Variants in FHIP2A observed in about 807,000 individuals in gnomAD.
FHIP2A encodes the protein family with sequence similarity 160 member B1.
Under a neutral mutation model 93.5 loss-of-function variants are expected in FHIP2A, and 46 were observed. That is an observed-to-expected ratio of 0.49 (90% CI 0.39 to 0.63). The LOEUF is 0.63. FHIP2A is among the 20% of genes least tolerant of loss of function. FHIP2A has a pLI of 0.00. For missense variants in FHIP2A, 769 were observed against 909.7 expected, an observed-to-expected ratio of 0.85 and a Z score of 1.99; for synonymous variants, 332 against 326.5, an observed-to-expected ratio of 1.02 and a Z score of -0.18.
intron 16 of FHIP2A, among the ~76,000 whole-genome samples, chr10:114,891,570 TGTGC>T (rs2083974734): frequency 6.8e-6 from 1 of 147,416 alleles, no homozygotes; most frequent in Non-Finnish European, 1.5e-5. Context: ...TGTGTGTGTG[TGTGC>T]ACGCGTATGT....
chr10:114,854,043 G>A (rs2083751883), intron 13 of FHIP2A, among the ~76,000 whole-genome samples: 6 of 151,812 alleles, frequency 4.0e-5, no homozygotes, highest in Admixed American at 3.9e-4. Context: ...TATTGGGGGA[G>A]ACTTTTAAAA....
rs1454992007 is a variant in FHIP2A, at chr10:114,843,160, C to T, written c.750C>T (p.Ala250=). The change falls in exon 6 of 17, where the codon GCC becomes GCT. Residue 250 remains alanine (A), a synonymous_variant. Transcript: ENST00000369248. The part of the protein sequence containing the change: ...DNLSVTSLPE[A]SVVCPNQDYN... ...TCAGTGTCACCTCACTGCCAGAGGCCTCGGTTGTTTGTCCAAATCAGGATT... is the reference window on the plus strand; with the variant it reads ...TCAGTGTCACCTCACTGCCAGAGGCTTCGGTTGTTTGTCCAAATCAGGATT... 3 of 1,613,916 alleles carry T rather than the reference C, an allele frequency of 1.9e-6. No individual in the cohort carries two copies. Among genetic ancestry groups the T allele is most frequent in the African/African-American group, 1.3e-5 (1 of 74,898 alleles).
At chr10:114,851,139 C>CCTGGCCTCAAGTGAT (rs1243617764) in intron 13 of FHIP2A, among the ~76,000 whole-genome samples, 3 of 152,130 alleles carry the variant, frequency 2.0e-5, no homozygotes, top group Non-Finnish European at 4.4e-5. Context: ...ATCTTGAACT[C>CCTGGCCTCAAGTGAT]CTGGCCTCAA....
chr10:114,848,419 C>T (rs548511980), intron 12 of FHIP2A, among the ~76,000 whole-genome samples: 70 of 152,140 alleles, frequency 4.6e-4, no homozygotes, highest in African/African-American at 1.6e-3. Context: ...AATATTTAAT[C>T]AATGAATTGT....
chr10:114,827,751 C>A lies in FHIP2A; in HGVS notation c.46-3101C>A, dbSNP rs575341130. 7.7e-5 allele frequency among the ~76,000 whole-genome samples: 11 copies of A among 142,172 alleles called. No individual in the cohort carries two copies. In the South Asian group the frequency reaches 2.0e-3, roughly 26 times the overall value. The allele number at this position is 142,172 out of a possible 152,430, so 93.3% of individuals were successfully genotyped here. ...GGCGGAGCTTGCAGTGAGCCGAGAT[C>A]ACGCCACTGCACTCCAGCCTGGGTG... On this transcript the variant is annotated intron_variant, in intron 1 of 16. Transcript: ENST00000369248.
rs1460407223 is a variant in FHIP2A, at chr10:114,821,829, C to T, written c.-250C>T. ...ACCGGTGCCGCCGCCGGAGCTTCTC[C>T]GGGCCCCGAGTCCTCGCCGAACGCC... is the stretch of plus-strand genomic sequence containing the variant. On this transcript the variant is annotated 5_prime_UTR_variant, in exon 1 of 17. Coordinates refer to ENST00000369248, the MANE Select transcript of FHIP2A (RefSeq NM_020940.4). The T allele has an allele frequency of 3.6e-5, 8 of 224,972 alleles. No homozygotes were observed. Among genetic ancestry groups the T allele is most frequent in the African/African-American group, 1.6e-4 (7 of 43,380 alleles). 13.9% of individuals were successfully genotyped at this position (224,972 alleles called of 1,614,324 possible).
At chr10:114,875,902 T>C (rs201981563) in intron 16 of FHIP2A, among the ~76,000 whole-genome samples, 1 of 34,472 alleles carries the variant, frequency 2.9e-5, no homozygotes, top group Non-Finnish European at 6.5e-5. Flanking sequence ...GAGAAAGAAA[T>C]AAAGAAAGAG....
intron 16 of FHIP2A, among the ~76,000 whole-genome samples, chr10:114,891,623 A>AT (rs1192883038): frequency 5.6e-4 from 40 of 72,066 alleles, no homozygotes; most frequent in Middle Eastern, 0.01. Flanking sequence ...GTATATACAT[A>AT]TTTTTTTTTT....
intron 15 of FHIP2A, 137 bp from the exon 16 acceptor site, chr10:114,861,094 G>T (rs1200695423): frequency 4.2e-6 from 5 of 1,192,312 alleles, no homozygotes; most frequent in South Asian, 1.6e-5. Flanking sequence ...TGAGTCCTTG[G>T]TTAAAGATGA....
In FHIP2A at chr10:114,864,695, T is replaced by C; in HGVS notation, c.*3155T>C. 1.0e-6 allele frequency: 1 copy of C among 984,572 alleles called. No individual in the cohort carries two copies. The highest frequency in any genetic ancestry group is 1.2e-6 in the Non-Finnish European group (1 of 829,086). 61.0% of individuals were successfully genotyped at this position (984,572 alleles called of 1,614,324 possible). A position where few individuals can be genotyped will look rare whatever the true frequency, so the allele number is the denominator to read the frequency against. On this transcript the variant is annotated 3_prime_UTR_variant, in exon 17 of 17. Transcript: ENST00000369248. ...GGACTAAGAGGGATGATCTAAAAAA[T>C]AAATAATGTAATTTAAACAAAACGT...
intron 5 of FHIP2A, among the ~76,000 whole-genome samples, chr10:114,841,292 G>GT (rs397845509): frequency 0.23 from 28,345 of 124,942 alleles, 4,191 homozygotes; most frequent in African/African-American, 0.34. Context: ...TATGCCATTG[G>GT]TTTTTTTTTT....
chr10:114,869,753 T>C (rs925320792), intron 16 of FHIP2A, among the ~76,000 whole-genome samples: 29 of 152,152 alleles, frequency 1.9e-4, no homozygotes, highest in Non-Finnish European at 3.7e-4. Context: ...ATCCTAAAAA[T>C]AATAAAAGCT....
At chr10:114,891,572 T>TGC (rs1555248172) in intron 16 of FHIP2A, among the ~76,000 whole-genome samples, 27 of 143,896 alleles carry the variant, frequency 1.9e-4, no homozygotes, top group Admixed American at 9.2e-4. Context: ...TGTGTGTGTG[T>TGC]GCACGCGTAT....
At chr10:114,850,384 G>T (rs1361884720) in intron 13 of FHIP2A, among the ~76,000 whole-genome samples, 2 of 152,114 alleles carry the variant, frequency 1.3e-5, no homozygotes, top group African/African-American at 4.8e-5. Flanking sequence ...CATATGCTTA[G>T]CAGATACTTG....
Position 114,861,580 on chromosome 10 carries a change from G to A in FHIP2A, c.*40G>A. 1 of 1,600,730 alleles carries A rather than the reference G, an allele frequency of 6.2e-7. No individual in the cohort carries two copies. The highest frequency in any genetic ancestry group is 1.7e-5 in the Admixed American group (1 of 58,370). Reference sequence around the variant, plus strand: ...GTAACTGGGGGAACAGAACTACTGTGTACATTTCACCAAAAAAGACTCAGT... The same window carrying A: ...GTAACTGGGGGAACAGAACTACTGTATACATTTCACCAAAAAAGACTCAGT... On this transcript the variant is annotated 3_prime_UTR_variant, in exon 17 of 17. Coordinates refer to ENST00000369248, the MANE Select transcript of FHIP2A (RefSeq NM_020940.4).
chr10:114,831,032 A>G, intron 2 of FHIP2A, 102 bp downstream of exon 2: 2 of 639,616 alleles, frequency 3.1e-6, no homozygotes, highest in Non-Finnish European at 5.2e-6. Flanking sequence ...GTTATTTTAT[A>G]TTTAAGTTTA....
At chr10:114,898,735 A>T (rs569049007) in intron 16 of FHIP2A, among the ~76,000 whole-genome samples, 4 of 152,336 alleles carry the variant, frequency 2.6e-5, no homozygotes, top group African/African-American at 4.8e-5. Context: ...GACTGATACA[A>T]AAATGATATT....
intron 1 of FHIP2A, among the ~76,000 whole-genome samples, chr10:114,827,721 C>T (rs1309660962): frequency 1.4e-5 from 2 of 142,304 alleles, no homozygotes; most frequent in East Asian, 2.1e-4. Context: ...GGTGTGAACC[C>T]GGGAGGCGGA....
rs562512366 is a variant in FHIP2A at position 114,857,334 on chromosome 10, C to T, written c.1947+1994C>T. On this transcript the variant is annotated intron_variant, in intron 14 of 16. Coordinates refer to ENST00000369248, the MANE Select transcript of FHIP2A (RefSeq NM_020940.4). The stretch of plus-strand genomic sequence containing the variant: ...TTCTTCTTTTTTTTTTTTCTGAGAC[C>T]GAGTCTCGCTCTGTCACCCAGGCTG... 1.2e-4 allele frequency among the ~76,000 whole-genome samples: 9 copies of T among 72,032 alleles called. No homozygotes were observed. The South Asian group carries it at 4.8e-3, about 38-fold the overall frequency. 47.3% of individuals were successfully genotyped at this position (72,032 alleles called of 152,430 possible).
Sources: gnomAD v4.1 joint callset for allele counts (sites outside exome capture counted in the v4.1 genomes callset) on GRCh38, gnomAD v4.1.1 for gene constraint, MANE v1.5 for transcripts, NCBI Gene and HGNC (gene_info 2026-07-23, HGNC 2026-07-21) for gene names.